The following SNTG1 variants were observed in gnomAD, a reference collection of about 807,000 sequenced individuals.
SNTG1 encodes syntrophin gamma 1, also known as gamma-1-syntrophin.
In SNTG1, 39 loss-of-function variants were observed where a neutral mutation model predicts 74.7. The ratio of observed to expected loss-of-function variants is 0.52; its 90% CI spans 0.40 to 0.68. The LOEUF is 0.68. Ranked by LOEUF, SNTG1 falls within the 30% of genes least tolerant of loss-of-function variation. SNTG1 has a pLI of 0.00. For synonymous variants in SNTG1, 254 were observed against 217.1 expected (o/e 1.17, Z -1.49); for missense variants, 685 against 609.5 (o/e 1.12, Z -1.30).
intron 1 of SNTG1, among the ~76,000 whole-genome samples, chr8:50,116,690 G>C (rs1348631572): frequency 6.6e-6 from 1 of 152,140 alleles, no homozygotes; most frequent in Non-Finnish European, 1.5e-5. Flanking sequence ...TGTTAGTCAG[G>C]TTAGGTTGTT....
At chr8:50,515,432 C>T (rs2094124638) in intron 9 of SNTG1, among the ~76,000 whole-genome samples, 1 of 114,836 alleles carries the variant, frequency 8.7e-6, no homozygotes, top group African/African-American at 3.5e-5. Context: ...CCAGTGGATC[C>T]TGGAATGCCA....
intron 1 of SNTG1, among the ~76,000 whole-genome samples, chr8:50,153,035 G>C (rs2082124133): frequency 6.6e-6 from 1 of 152,126 alleles, no homozygotes; most frequent in Non-Finnish European, 1.5e-5. Flanking sequence ...GTCACTTTCA[G>C]GTACACCAAT....
At chr8:50,318,652 G>T (rs973431013) in intron 2 of SNTG1, among the ~76,000 whole-genome samples, 2 of 152,136 alleles carry the variant, frequency 1.3e-5, no homozygotes, top group Non-Finnish European at 2.9e-5. Flanking sequence ...TCCTTAAGTA[G>T]ATTTGAGAAA....
intron 2 of SNTG1, among the ~76,000 whole-genome samples, chr8:50,357,359 A>G (rs1319265906): frequency 6.6e-6 from 1 of 152,230 alleles, no homozygotes; most frequent in East Asian, 1.9e-4. Flanking sequence ...GAAACAAAAG[A>G]ACAGGTTTAC....
intron 17 of SNTG1, among the ~76,000 whole-genome samples, chr8:50,742,999 C>G (rs767508133): frequency 6.6e-6 from 1 of 151,556 alleles, no homozygotes; most frequent in African/African-American, 2.4e-5. Flanking sequence ...GGGATTGAAT[C>G]CATAATCATA....
intron 8 of SNTG1, among the ~76,000 whole-genome samples, chr8:50,484,162 TTCCTTCC>T: frequency 1.3e-5 from 1 of 74,644 alleles, no homozygotes; most frequent in African/African-American, 4.4e-5. Context: ...CCTTCCTTCC[TTCCTTCC>T]TTCCTTCCTT....
chr8:50,779,511 T>C (rs2095651918), intron 18 of SNTG1, among the ~76,000 whole-genome samples: 1 of 151,838 alleles, frequency 6.6e-6, no homozygotes, highest in Non-Finnish European at 1.5e-5. Context: ...GTTTGTCTTT[T>C]ATTGGTGTAT....
At chr8:50,511,010 G>A (rs1435252992) in intron 9 of SNTG1, among the ~76,000 whole-genome samples, 6 of 151,924 alleles carry the variant, frequency 3.9e-5, no homozygotes, top group African/African-American at 1.5e-4. Context: ...GTGATGTTAG[G>A]GTGTCAATTT....
At chr8:50,639,622 C>A (rs776255343) in intron 13 of SNTG1, among the ~76,000 whole-genome samples, 1 of 151,924 alleles carries the variant, frequency 6.6e-6, no homozygotes, top group Non-Finnish European at 1.5e-5. Context: ...CAGATTAATA[C>A]AGATTACTGA....
intron 17 of SNTG1, among the ~76,000 whole-genome samples, chr8:50,736,671 T>A (rs1337903937): frequency 6.6e-6 from 1 of 151,936 alleles, no homozygotes; most frequent in Non-Finnish European, 1.5e-5. Flanking sequence ...ACCACAAGAT[T>A]GGAAGAAAAA....
intron 1 of SNTG1, among the ~76,000 whole-genome samples, chr8:49,916,558 C>T (rs1261170071): frequency 6.6e-6 from 1 of 151,934 alleles, no homozygotes. Context: ...ATTATATGCT[C>T]TATGTTTAAC....
chr8:49,940,293 C>T (rs1051405326), intron 1 of SNTG1, among the ~76,000 whole-genome samples: 7 of 152,050 alleles, frequency 4.6e-5, no homozygotes, highest in South Asian at 2.1e-4. Flanking sequence ...AGCACCCAGG[C>T]GGTATTGTAA....
chr8:50,550,905 A>T (rs1418112054), intron 11 of SNTG1, among the ~76,000 whole-genome samples: 1 of 152,172 alleles, frequency 6.6e-6, no homozygotes, highest in Non-Finnish European at 1.5e-5. Context: ...GTTTTTCCCT[A>T]GTGCTTGATG....
At chr8:50,117,168 A>G (rs888728856) in intron 1 of SNTG1, among the ~76,000 whole-genome samples, 3 of 152,032 alleles carry the variant, frequency 2.0e-5, no homozygotes, top group Non-Finnish European at 4.4e-5. Flanking sequence ...AATGTGAATC[A>G]TCATTTGTCT....
intron 5 of SNTG1, among the ~76,000 whole-genome samples, chr8:50,440,602 C>T (rs2093349390): frequency 6.6e-6 from 1 of 152,116 alleles, no homozygotes; most frequent in South Asian, 2.1e-4. Flanking sequence ...TATTTATTTA[C>T]AGTTTTCAGG....
intron 15 of SNTG1, among the ~76,000 whole-genome samples, chr8:50,663,484 G>T (rs543715089): frequency 6.6e-6 from 1 of 152,100 alleles, no homozygotes; most frequent in South Asian, 2.1e-4. Context: ...AGGCAGAGGA[G>T]TCGGGCCTGA....
chr8:50,642,686 G>T (rs1041051126), intron 13 of SNTG1, among the ~76,000 whole-genome samples: 3 of 152,090 alleles, frequency 2.0e-5, no homozygotes, highest in African/African-American at 7.2e-5. Flanking sequence ...TGTCCCATTG[G>T]TGTGATGTTA....
chr8:49,980,994 G>T (rs1453836780), intron 1 of SNTG1, among the ~76,000 whole-genome samples: 1 of 152,152 alleles, frequency 6.6e-6, no homozygotes. Context: ...GCCCTTCTGA[G>T]CCCCATGCAC....
At chr8:50,649,181 T>C (rs2095128943) in intron 13 of SNTG1, among the ~76,000 whole-genome samples, 1 of 152,166 alleles carries the variant, frequency 6.6e-6, no homozygotes, top group Non-Finnish European at 1.5e-5. Context: ...CTAAAGAGAA[T>C]GCTGCTGTGA....
Sources: allele counts gnomAD v4.1 joint callset (sites outside exome capture counted in the v4.1 genomes callset), GRCh38; gene constraint gnomAD v4.1.1; transcripts MANE v1.5; gene names NCBI Gene and HGNC (gene_info 2026-07-23, HGNC 2026-07-21).